Variants in CDK1 observed in about 807,000 individuals in gnomAD.
CDK1 encodes the protein cyclin-dependent kinase 1.
Under a neutral mutation model 34.6 loss-of-function variants are expected in CDK1, and 5 were observed. The ratio of observed to expected loss-of-function variants is 0.14; its 90% CI spans 0.08 to 0.30. CDK1 has a LOEUF of 0.30. CDK1 is among the 10% of genes least tolerant of loss of function. CDK1 has a pLI of 1.00. For synonymous variants in CDK1, 108 were observed against 114.7 expected, an observed-to-expected ratio of 0.94 and a Z score of 0.37; for missense variants, 157 against 345.7, an observed-to-expected ratio of 0.45 and a Z score of 4.33.
rs2080365370 is a variant in CDK1 at position 60,792,228 on chromosome 10, A to C, written c.734A>C (p.Lys245Thr). ...QDYKNTFPKW[K>T]PGSLASHVKN... ...TATAAGAATACATTTCCCAAATGGA[A>C]ACCAGGAAGCCTAGCATCCCATGTC... The change falls in exon 7 of 8, where the codon AAA becomes ACA. Residue 245 changes from lysine (K) to threonine (T), a missense_variant. Coordinates refer to ENST00000395284, the MANE Select transcript of CDK1 (RefSeq NM_001786.5). The C allele has an allele frequency of 6.8e-6, 11 of 1,613,202 alleles. No individual in the cohort carries two copies. Among genetic ancestry groups the C allele is most frequent in the Non-Finnish European group, 9.3e-6 (11 of 1,179,536 alleles).
intron 1 of CDK1, 169 bp downstream of exon 1, chr10:60,778,739 G>C (rs2080245119): frequency 6.6e-6 from 1 of 152,636 alleles, no homozygotes; most frequent in South Asian, 2.1e-4. Context: ...GGGTCTGGCC[G>C]TGTGAGCCAC....
chr10:60,782,548 T>C (rs1349523871), intron 2 of CDK1, among the ~76,000 whole-genome samples: 4 of 152,210 alleles, frequency 2.6e-5, no homozygotes, highest in Non-Finnish European at 5.9e-5. Context: ...GCCTGGCATT[T>C]AGTAGGCATT....
intron 5 of CDK1, among the ~76,000 whole-genome samples, chr10:60,791,338 T>C (rs1419242065): frequency 6.6e-6 from 1 of 152,180 alleles, no homozygotes; most frequent in Non-Finnish European, 1.5e-5. Flanking sequence ...AAACTATTAA[T>C]TTTTGTATGC....
Position 60,794,001 on chromosome 10 carries a change from TTA to T in CDK1, c.*30_*31del. 1 of 1,129,150 alleles carries T rather than the reference TTA, an allele frequency of 8.9e-7. No individual in the cohort carries two copies. The highest frequency in any genetic ancestry group is 2.5e-5 in the Admixed American group (1 of 39,988). 69.9% of individuals were successfully genotyped at this position (1,129,150 alleles called of 1,614,324 possible). On this transcript the variant is annotated 3_prime_UTR_variant, in exon 8 of 8. Coordinates refer to ENST00000395284, the MANE Select transcript of CDK1 (RefSeq NM_001786.5). ...CTTTCTGACAAAAAGTTTCCATATG[TTA>T]TATCAACAGATAGTTGTGTTTTTAT...
intron 7 of CDK1, among the ~76,000 whole-genome samples, chr10:60,793,198 G>T (rs1276079409): frequency 6.6e-6 from 1 of 152,062 alleles, no homozygotes; most frequent in Non-Finnish European, 1.5e-5. Context: ...TGTGGGAATT[G>T]AGTACCATGA....
At chr10:60,788,583 C>T (rs2080334538) in intron 5 of CDK1, among the ~76,000 whole-genome samples, 1 of 151,966 alleles carries the variant, frequency 6.6e-6, no homozygotes, top group Non-Finnish European at 1.5e-5. Context: ...TTAAACTCTC[C>T]CCATTCAAAT....
intron 5 of CDK1, among the ~76,000 whole-genome samples, chr10:60,791,519 T>C (rs1028078714): frequency 6.6e-6 from 1 of 152,136 alleles, no homozygotes; most frequent in Non-Finnish European, 1.5e-5. Context: ...ATTCATGTTA[T>C]AATGGTACTG....
At chr10:60,785,003 T>G in intron 3 of CDK1, 142 bp downstream of exon 3, 1 of 682,106 alleles carries the variant, frequency 1.5e-6, no homozygotes, top group Non-Finnish European at 2.5e-6. Flanking sequence ...TAGTTGAGAA[T>G]GCCGCACATA....
intron 1 of CDK1, 22 bp from the exon 2 acceptor site, chr10:60,780,119 G>A: frequency 8.7e-7 from 1 of 1,154,824 alleles, no homozygotes; most frequent in Non-Finnish European, 1.3e-6. Flanking sequence ...ATGTAATTAA[G>A]TCAGTTTTTC....
intron 2 of CDK1, among the ~76,000 whole-genome samples, chr10:60,783,294 G>C (rs2080288277): frequency 6.6e-6 from 1 of 152,030 alleles, no homozygotes; most frequent in Non-Finnish European, 1.5e-5. Flanking sequence ...AATCAAAATA[G>C]TATAAAATGA....
intron 4 of CDK1, 106 bp from the exon 5 acceptor site, chr10:60,787,954 A>G (rs1262909638): frequency 6.7e-6 from 4 of 593,658 alleles, no homozygotes; most frequent in South Asian, 3.5e-5. Context: ...TGAAAGCTCT[A>G]GTAATTAAAT....
chr10:60,781,058 AT>A (rs11351423), intron 2 of CDK1, among the ~76,000 whole-genome samples: 107,515 of 149,908 alleles, frequency 0.72, 38,833 homozygotes, highest in East Asian at 0.84. Flanking sequence ...ATATATATAT[AT>A]TTTTTTTTTA....
At chr10:60,781,776 A>G (rs2080275569) in intron 2 of CDK1, among the ~76,000 whole-genome samples, 1 of 152,114 alleles carries the variant, frequency 6.6e-6, no homozygotes, top group Non-Finnish European at 1.5e-5. Context: ...CTAGTCCAAG[A>G]GCATTTTGTA....
intron 2 of CDK1, among the ~76,000 whole-genome samples, chr10:60,781,018 G>A (rs1383649946): frequency 6.6e-6 from 1 of 151,790 alleles, no homozygotes; most frequent in Non-Finnish European, 1.5e-5. Flanking sequence ...TTAGTGTGGT[G>A]TTCGATTGGA....
chr10:60,780,923 A>C (rs1423759275), intron 2 of CDK1, among the ~76,000 whole-genome samples: 1 of 152,158 alleles, frequency 6.6e-6, no homozygotes, highest in Non-Finnish European at 1.5e-5. Context: ...TATATTTTTA[A>C]TGTGATCAAA....
In CDK1 at chr10:60,784,751, A is replaced by G. The variant is rs1411857391; in HGVS notation, c.84A>G (p.Gln28=). 2 of 1,613,192 alleles carry G rather than the reference A, an allele frequency of 1.2e-6. No homozygotes were observed. The highest frequency in any genetic ancestry group is 1.3e-5 in the African/African-American group (1 of 75,040). Reference sequence around the variant, plus strand: ...AGGGTAGACACAAAACTACAGGTCAAGTGGTAGCCATGAAAAAAATCAGAC... The same window carrying G: ...AGGGTAGACACAAAACTACAGGTCAGGTGGTAGCCATGAAAAAAATCAGAC... The part of the protein sequence containing the change: ...VYKGRHKTTG[Q]VVAMKKIRLE... Residue 28 remains glutamine (Q), a synonymous_variant, in exon 3 of 8, where the codon CAA becomes CAG. Coordinates refer to ENST00000395284, the MANE Select transcript of CDK1 (RefSeq NM_001786.5).
At chr10:60,792,791 C>T (rs1297929617) in intron 7 of CDK1, among the ~76,000 whole-genome samples, 1 of 152,048 alleles carries the variant, frequency 6.6e-6, no homozygotes, top group Non-Finnish European at 1.5e-5. Context: ...TGTAAAGACT[C>T]CTTATGCCAC....
At position 60,784,881 on chromosome 10, in the gene CDK1, T is replaced by C; in HGVS notation, c.194+20T>C. The C allele has an allele frequency of 6.3e-7, 1 of 1,592,660 alleles. No homozygotes were observed. The highest frequency in any genetic ancestry group is 8.6e-7 in the Non-Finnish European group (1 of 1,165,884). On this transcript the variant is annotated intron_variant, in intron 3 of 7. Transcript: ENST00000395284. Reference sequence around the variant, plus strand: ...AGTCAGGTATGTTGTAATATCTGAATGTAAGCCATTTTCTGCATGCTATTT... The same window carrying C: ...AGTCAGGTATGTTGTAATATCTGAACGTAAGCCATTTTCTGCATGCTATTT...
chr10:60,780,083 T>C, intron 1 of CDK1, 58 bp from the exon 2 acceptor site: 1 of 808,262 alleles, frequency 1.2e-6, no homozygotes, highest in Non-Finnish European at 2.2e-6. Context: ...GTTTCATTAA[T>C]GCTTAAAACT....
Sources: allele counts gnomAD v4.1 joint callset (sites outside exome capture counted in the v4.1 genomes callset), GRCh38; gene constraint gnomAD v4.1.1; transcripts MANE v1.5; gene names NCBI Gene and HGNC (gene_info 2026-07-23, HGNC 2026-07-21).